MAP4K4: variants seen among roughly 807,000 people sequenced by gnomAD.
The protein encoded by MAP4K4 is mitogen-activated protein kinase kinase kinase kinase 4.
In MAP4K4, 38 loss-of-function variants were observed where a neutral mutation model predicts 189.6. That is an observed-to-expected ratio of 0.20 (90% CI 0.15 to 0.26). MAP4K4 has a LOEUF of 0.26. MAP4K4 is among the 10% of genes least tolerant of loss of function. MAP4K4 has a pLI of 1.00. For synonymous variants in MAP4K4, 610 were observed against 624.3 expected, an observed-to-expected ratio of 0.98 and a Z score of 0.34; for missense variants, 1,054 against 1,726.9, an observed-to-expected ratio of 0.61 and a Z score of 6.91.
At chr2:101,861,474 G>C (rs762647217) in intron 16 of MAP4K4, 3 of 152,846 alleles carry the variant, frequency 2.0e-5, no homozygotes, top group Non-Finnish European at 4.4e-5. Flanking sequence ...TGTATTTTTT[G>C]TGGGGGTGGG....
chr2:101,890,159 A>G (rs1220928018), intron 32 of MAP4K4, among the ~76,000 whole-genome samples: 2 of 152,384 alleles, frequency 1.3e-5, no homozygotes, highest in East Asian at 1.9e-4. Context: ...TATGGGTTAT[A>G]TGAAGTAATT....
At chr2:101,736,411 ACCCAGCTGGGT>A (rs1319449207) in intron 2 of MAP4K4, among the ~76,000 whole-genome samples, 4 of 152,106 alleles carry the variant, frequency 2.6e-5, no homozygotes, top group African/African-American at 9.7e-5. Flanking sequence ...TCTCTGCCTT[ACCCAGCTGGGT>A]CCTGGTCATG....
At chr2:101,838,242 G>T (rs1194278858) in intron 9 of MAP4K4, among the ~76,000 whole-genome samples, 1 of 152,192 alleles carries the variant, frequency 6.6e-6, no homozygotes, top group Non-Finnish European at 1.5e-5. Flanking sequence ...GGTCTGGGGA[G>T]TGACTCAGGT....
chr2:101,737,443 ATATATATATATATATATATTT>A (rs1314887407), intron 2 of MAP4K4, among the ~76,000 whole-genome samples: 6 of 34,370 alleles, frequency 1.7e-4, no homozygotes, highest in Admixed American at 4.0e-4. Context: ...ATATATATAT[ATATATATATATATATATATTT>A]TTTTTTTTTT....
At position 101,882,540 on chromosome 2, in the gene MAP4K4, T is replaced by C. The variant is rs1385070792; in HGVS notation, c.3386-11T>C. 2 of 1,567,798 alleles carry C rather than the reference T, an allele frequency of 1.3e-6. No homozygotes were observed. The highest frequency in any genetic ancestry group is 2.2e-5 in the East Asian group (1 of 44,596). Reference sequence around the variant, plus strand: ...GATATGCATGTAAAATATTTATATTTATTTTGCTAGGCAAAAAGGATAAGT... The same window carrying C: ...GATATGCATGTAAAATATTTATATTCATTTTGCTAGGCAAAAAGGATAAGT... On this transcript the variant is annotated splice_polypyrimidine_tract_variant and intron_variant, in intron 27 of 32. Coordinates refer to ENST00000324219, the Ensembl canonical transcript of MAP4K4.
intron 18 of MAP4K4, 105 bp downstream of exon 18, chr2:101,865,141 A>G (rs1220754690): frequency 4.5e-6 from 3 of 667,924 alleles, no homozygotes; most frequent in African/African-American, 1.8e-5. Flanking sequence ...TTCTGGGGCT[A>G]AGAGATTATC....
At chr2:101,751,276 G>A (rs2068799500) in intron 2 of MAP4K4, among the ~76,000 whole-genome samples, 1 of 152,192 alleles carries the variant, frequency 6.6e-6, no homozygotes, top group Admixed American at 6.5e-5. Context: ...AACGTTCGGT[G>A]GAACATATTC....
At chr2:101,701,431 T>C (rs957260986) in intron 2 of MAP4K4, among the ~76,000 whole-genome samples, 4 of 152,170 alleles carry the variant, frequency 2.6e-5, no homozygotes, top group African/African-American at 4.8e-5. Flanking sequence ...GTAGTGGGAA[T>C]TTCAAGGAGA....
chr2:101,858,084 A>G (rs1274895958), intron 13 of MAP4K4, among the ~76,000 whole-genome samples: 1 of 152,198 alleles, frequency 6.6e-6, no homozygotes, highest in African/African-American at 2.4e-5. Context: ...GAACCTTACA[A>G]AAATTCCTGA....
At chr2:101,775,034 CTTTTT>C (rs77977516) in intron 2 of MAP4K4, among the ~76,000 whole-genome samples, 9,377 of 128,988 alleles carry the variant, frequency 0.073, 386 homozygotes, top group African/African-American at 0.13. Context: ...CCTATCCCCT[CTTTTT>C]TTTTTTTTTT....
intron 3 of MAP4K4, among the ~76,000 whole-genome samples, chr2:101,794,839 T>G (rs2093493548): frequency 2.0e-5 from 3 of 152,028 alleles, no homozygotes; most frequent in Admixed American, 6.6e-5. Flanking sequence ...TAAAGAAAAT[T>G]GACTTTTGTA....
intron 24 of MAP4K4, 24 bp downstream of exon 24, chr2:101,871,709 T>A (rs1423578892): frequency 1.3e-6 from 2 of 1,532,222 alleles, no homozygotes; most frequent in South Asian, 2.4e-5. Context: ...CACAGCTGGC[T>A]GCTTTCCTGG....
intron 16 of MAP4K4, chr2:101,861,522 A>G (rs1412587879): frequency 6.6e-6 from 1 of 152,530 alleles, no homozygotes; most frequent in Non-Finnish European, 1.5e-5. Context: ...AGGGTTCAAG[A>G]TCCAAAAAAG....
At chr2:101,777,793 G>A (rs1373129285) in intron 2 of MAP4K4, among the ~76,000 whole-genome samples, 2 of 152,166 alleles carry the variant, frequency 1.3e-5, no homozygotes, top group Non-Finnish European at 2.9e-5. Context: ...TGTATCCCTA[G>A]CATCTAGACC....
chr2:101,876,969 A>G (rs1216961955), intron 26 of MAP4K4, 34 bp from the exon 27 acceptor site: 2 of 1,612,078 alleles, frequency 1.2e-6, no homozygotes, highest in African/African-American at 1.3e-5. Context: ...CAAGCACAGC[A>G]TAAAATTGAG....
intron 9 of MAP4K4, 74 bp from the exon 10 acceptor site, chr2:101,839,745 G>C: frequency 8.8e-7 from 1 of 1,133,070 alleles, no homozygotes; most frequent in Non-Finnish European, 1.2e-6. Context: ...TTATGTTGAG[G>C]CTTGTAAGTT....
At chr2:101,758,812 G>C (rs2074242694) in intron 2 of MAP4K4, among the ~76,000 whole-genome samples, 1 of 152,192 alleles carries the variant, frequency 6.6e-6, no homozygotes, top group Non-Finnish European at 1.5e-5. Flanking sequence ...AAATGAAAGT[G>C]ATCTCTTATG....
chr2:101,870,691 G>C (rs970041744), intron 23 of MAP4K4: 3 of 333,804 alleles, frequency 9.0e-6, no homozygotes, highest in African/African-American at 6.5e-5. Flanking sequence ...CTATGTCTGA[G>C]CGGGAGAGAA....
At chr2:101,841,943 A>C (rs1159646894) in intron 10 of MAP4K4, among the ~76,000 whole-genome samples, 15 of 152,222 alleles carry the variant, frequency 9.9e-5, no homozygotes. Flanking sequence ...AAAACTGTCT[A>C]AAACCTGTAG....
Sources: gnomAD v4.1 joint callset for allele counts (sites outside exome capture counted in the v4.1 genomes callset) on GRCh38, gnomAD v4.1.1 for gene constraint, MANE v1.5 for transcripts, NCBI Gene and HGNC (gene_info 2026-07-23, HGNC 2026-07-21) for gene names.